Variants in GARRE1 observed in about 807,000 individuals in gnomAD.
GARRE1 encodes granule associated Rac and RHOG effector 1, also known as granule associated Rac and RHOG effector protein 1.
In GARRE1, 49 loss-of-function variants were observed where a neutral mutation model predicts 103.2. The ratio of observed to expected loss-of-function variants is 0.47; its 90% CI spans 0.38 to 0.60. The LOEUF (loss-of-function observed/expected upper bound fraction) is 0.60. Ranked by LOEUF, GARRE1 falls within the 20% of genes least tolerant of loss-of-function variation. The probability of loss-of-function intolerance (pLI) is 0.00; values close to 1 mark genes in which losing one functional copy is unlikely to be tolerated. For missense variants in GARRE1, 1,199 were observed against 1,370.5 expected, an observed-to-expected ratio of 0.87 and a Z score of 1.98; for synonymous variants, 505 against 532.8, an observed-to-expected ratio of 0.95 and a Z score of 0.72.
Position 34,350,346 on chromosome 19 carries a change from A to G in GARRE1, c.2826-1168A>G, listed in dbSNP as rs1406167315. 2.6e-5 allele frequency among the ~76,000 whole-genome samples: 4 copies of G among 152,150 alleles called. No individual in the cohort carries two copies. In the East Asian group the frequency reaches 5.8e-4, roughly 22 times the overall value. On this transcript the variant is annotated intron_variant, in intron 12 of 13. Coordinates refer to ENST00000299505, the MANE Select transcript of GARRE1 (RefSeq NM_014686.5). ...AGGTGCTAAGCCTGCAGGAGGAGCA[A>G]GTTTGAACCGGGGGTGGAGTTTGAG...
At chr19:34,273,508 C>T (rs1359600285) in intron 1 of GARRE1, among the ~76,000 whole-genome samples, 1 of 152,172 alleles carries the variant, frequency 6.6e-6, no homozygotes, top group Non-Finnish European at 1.5e-5. Context: ...TAAATAAGTA[C>T]TGAGGACAAA....
chr19:34,344,255 A>AT (rs1260191939), intron 10 of GARRE1, among the ~76,000 whole-genome samples: 4 of 152,248 alleles, frequency 2.6e-5, no homozygotes, highest in Non-Finnish European at 5.9e-5. Context: ...AATGTTACAA[A>AT]TAAGTATAGC....
At position 34,347,949 on chromosome 19, in the gene GARRE1, A is replaced by C; in HGVS notation, c.2594A>C (p.Gln865Pro). The stretch of plus-strand genomic sequence containing the variant: ...GCGATGCAGCAGAAGCGGCAGGCCC[A>C]GCACGGTCGCCGGCCAGGCAACCCC... The part of the protein sequence containing the change: ...SQAMQQKRQA[Q>P]HGRRPGNPRG... Residue 865 changes from glutamine (Q) to proline (P), a missense_variant, in exon 11 of 14, where the codon CAG becomes CCG. Gln to Pro is a moderately conservative substitution (Grantham distance 76). Coordinates refer to ENST00000299505, the MANE Select transcript of GARRE1 (RefSeq NM_014686.5). 2 of 1,592,382 alleles carry C rather than the reference A, an allele frequency of 1.3e-6. No homozygotes were observed. The highest frequency in any genetic ancestry group is 1.3e-5 in the African/African-American group (1 of 74,218).
At chr19:34,315,142 C>T (rs1461778562) in intron 2 of GARRE1, among the ~76,000 whole-genome samples, 3 of 152,092 alleles carry the variant, frequency 2.0e-5, no homozygotes, top group Non-Finnish European at 2.9e-5. Context: ...TTACTTGTTC[C>T]TCATTCTAAA....
chr19:34,274,840 A>G (rs2073807588), intron 1 of GARRE1, among the ~76,000 whole-genome samples: 1 of 152,212 alleles, frequency 6.6e-6, no homozygotes, highest in African/African-American at 2.4e-5. Context: ...ATGTGGTAAC[A>G]GATAGAGGGA....
At chr19:34,288,858 G>A (rs1445493021) in intron 1 of GARRE1, among the ~76,000 whole-genome samples, 3 of 152,350 alleles carry the variant, frequency 2.0e-5, no homozygotes, top group Admixed American at 6.5e-5. Context: ...TGGGCTGGGC[G>A]CCTTGGCTCA....
At chr19:34,301,378 A>C (rs1444058586) in intron 2 of GARRE1, among the ~76,000 whole-genome samples, 2 of 151,942 alleles carry the variant, frequency 1.3e-5, no homozygotes, top group Admixed American at 6.6e-5. Flanking sequence ...ATCCTTCTAC[A>C]TCCAGAAGCC....
At chr19:34,326,431 G>A (rs1222396147) in intron 3 of GARRE1, among the ~76,000 whole-genome samples, 1 of 152,122 alleles carries the variant, frequency 6.6e-6, no homozygotes, top group Non-Finnish European at 1.5e-5. Flanking sequence ...ATATTTTTCT[G>A]TATTCTCTTC....
chr19:34,286,135 T>C (rs1022493592), intron 1 of GARRE1, among the ~76,000 whole-genome samples: 6 of 152,174 alleles, frequency 3.9e-5, no homozygotes, highest in African/African-American at 1.4e-4. Context: ...AGCCAGAGAC[T>C]GGTGAAACCC....
intron 2 of GARRE1, among the ~76,000 whole-genome samples, chr19:34,319,099 G>A (rs1333692459): frequency 1.3e-5 from 2 of 152,154 alleles, no homozygotes; most frequent in Non-Finnish European, 2.9e-5. Flanking sequence ...AGCAGCAAAG[G>A]AGCTGTCAGA....
rs59757372 is a variant in GARRE1 at position 34,307,814 on chromosome 19, ATTT to A, written c.495+6859_495+6861del. On this transcript the variant is annotated intron_variant, in intron 2 of 13. Transcript: ENST00000299505. ...CTATAAAAAAAAAATATATATATAT[ATTT>A]TTTTTTTTTTTTAGAGATTAGGCCT... Among the ~76,000 whole-genome samples the A allele has an allele frequency of 1.5e-4, 16 of 109,678 alleles. No homozygotes were observed. The East Asian group carries it at 1.7e-3, about 11-fold the overall frequency. The allele number at this position is 109,678 out of a possible 152,430, so 72.0% of individuals were successfully genotyped here.
At chr19:34,297,670 C>T (rs1390111087) in intron 1 of GARRE1, among the ~76,000 whole-genome samples, 1 of 152,194 alleles carries the variant, frequency 6.6e-6, no homozygotes, top group Non-Finnish European at 1.5e-5. Context: ...TTCAGCATTC[C>T]TGTAGAGTGC....
chr19:34,308,564 G>A (rs2074022518), intron 2 of GARRE1, among the ~76,000 whole-genome samples: 1 of 152,160 alleles, frequency 6.6e-6, no homozygotes, highest in Non-Finnish European at 1.5e-5. Context: ...GGGTGATTCT[G>A]TAAATTTGCA....
At chr19:34,323,580 T>G (rs568638938) in intron 3 of GARRE1, among the ~76,000 whole-genome samples, 1 of 152,306 alleles carries the variant, frequency 6.6e-6, no homozygotes, top group South Asian at 2.1e-4. Context: ...AGGCTGTGTG[T>G]GGGGGTGGGA....
At position 34,353,781 on chromosome 19, in the gene GARRE1, T is replaced by C. The variant is rs879350216; in HGVS notation, c.*826T>C. 1 of 152,300 alleles carries C rather than the reference T, an allele frequency of 6.6e-6. No individual in the cohort carries two copies. The highest frequency in any genetic ancestry group is 1.5e-5 in the Non-Finnish European group (1 of 68,050). The allele number at this position is 152,300 out of a possible 1,614,324, so 9.4% of individuals were successfully genotyped here. On this transcript the variant is annotated 3_prime_UTR_variant, in exon 14 of 14. Coordinates refer to ENST00000299505, the MANE Select transcript of GARRE1 (RefSeq NM_014686.5). ...TGCTGCCCTTCGATCCTTCCACACA[T>C]GGCCAGGACACTGCCACAATCCTCG...
chr19:34,345,485 T>C (rs1599782813), intron 10 of GARRE1, among the ~76,000 whole-genome samples: 1 of 152,224 alleles, frequency 6.6e-6, no homozygotes, highest in Non-Finnish European at 1.5e-5. Context: ...TTGACTGTCA[T>C]ATAACTAAAT....
At chr19:34,314,899 A>T (rs2074053179) in intron 2 of GARRE1, among the ~76,000 whole-genome samples, 1 of 152,214 alleles carries the variant, frequency 6.6e-6, no homozygotes, top group Non-Finnish European at 1.5e-5. Flanking sequence ...TTTGTGTCAC[A>T]TTCTGGTGTG....
At chr19:34,279,913 A>C (rs1490628168) in intron 1 of GARRE1, among the ~76,000 whole-genome samples, 1 of 138,650 alleles carries the variant, frequency 7.2e-6, no homozygotes, top group African/African-American at 2.8e-5. Flanking sequence ...TGAACCCGGG[A>C]GGCGGAGCTT....
At chr19:34,344,937 C>A (rs1170068402) in intron 10 of GARRE1, among the ~76,000 whole-genome samples, 1 of 152,054 alleles carries the variant, frequency 6.6e-6, no homozygotes, top group East Asian at 2.0e-4. Flanking sequence ...CTCCCGAGTT[C>A]ACGCCATTCT....
Sources: allele counts gnomAD v4.1 joint callset (sites outside exome capture counted in the v4.1 genomes callset), GRCh38; gene constraint gnomAD v4.1.1; transcripts MANE v1.5; gene names NCBI Gene and HGNC (gene_info 2026-07-23, HGNC 2026-07-21).